The following PCDH15 variants were observed in gnomAD, a reference collection of about 807,000 sequenced individuals.
PCDH15 encodes the protein protocadherin related 15, also known as protocadherin-15.
A neutral mutation model predicts 178.5 loss-of-function variants in PCDH15; 129 were observed. That is an observed-to-expected ratio of 0.72 (90% confidence interval 0.63 to 0.84). PCDH15 has a LOEUF of 0.84. Ranked by LOEUF, PCDH15 falls within the 40% of genes least tolerant of loss-of-function variation. The pLI, the probability that PCDH15 is intolerant of heterozygous loss-of-function variation, is 0.00. For missense variants in PCDH15, 2,230 were observed against 2,099.9 expected (o/e 1.06, Z -1.21); for synonymous variants, 800 against 732.0 (o/e 1.09, Z -1.50).
chr10:55,486,702 T>C (rs575733582), intron 2 of PCDH15, among the ~76,000 whole-genome samples: 26 of 151,692 alleles, frequency 1.7e-4, no homozygotes, highest in Middle Eastern at 6.8e-3. Flanking sequence ...GATTGGAGTC[T>C]TTCTATGTTG....
intron 7 of PCDH15, among the ~76,000 whole-genome samples, chr10:54,320,370 C>A (rs1291722790): frequency 2.0e-5 from 3 of 151,968 alleles, no homozygotes. Context: ...AATATATACA[C>A]CTTCTTCTTT....
At chr10:55,265,656 C>T (rs560139627) in intron 1 of PCDH15, among the ~76,000 whole-genome samples, 81 of 152,240 alleles carry the variant, frequency 5.3e-4, no homozygotes, top group African/African-American at 1.9e-3. Flanking sequence ...GGACTAAGAC[C>T]AAGCCACTCA....
Position 55,511,051 on chromosome 10 carries a change from G to GT in PCDH15, c.-156+116573dup, listed in dbSNP as rs543684590. Among the ~76,000 whole-genome samples the GT allele has an allele frequency of 1.2e-3, 172 of 145,250 alleles. 1 individual carries two copies. In the South Asian group the frequency reaches 0.019, roughly 16 times the overall value. On this transcript the variant is annotated intron_variant, in intron 2 of 5. Coordinates refer to the PCDH15 transcript ENST00000613346. ...ATTTGTTTTTTTTGTTTGTTTGTTT[G>GT]TTTTTTTTTTTAGAGATACAGGTCT... is the stretch of plus-strand genomic sequence containing the variant.
chr10:55,172,665 C>T (rs1839370322), intron 1 of PCDH15, among the ~76,000 whole-genome samples: 1 of 151,884 alleles, frequency 6.6e-6, no homozygotes, highest in Non-Finnish European at 1.5e-5. Flanking sequence ...CATTTTCCTG[C>T]TGAGAGAGTT....
chr10:54,815,815 G>A (rs1952938127), intron 3 of PCDH15, among the ~76,000 whole-genome samples: 1 of 151,936 alleles, frequency 6.6e-6, no homozygotes, highest in Non-Finnish European at 1.5e-5. Flanking sequence ...GCAAACAGAT[G>A]ATAAACACAG....
At chr10:53,836,849 C>G (rs2077336437) in intron 29 of PCDH15, among the ~76,000 whole-genome samples, 1 of 152,152 alleles carries the variant, frequency 6.6e-6, no homozygotes, top group East Asian at 1.9e-4. Flanking sequence ...TCTGATTCAA[C>G]TCTGATTAAT....
intron 1 of PCDH15, among the ~76,000 whole-genome samples, chr10:54,795,673 A>C (rs1448266177): frequency 1.3e-5 from 2 of 151,904 alleles, no homozygotes; most frequent in Non-Finnish European, 2.9e-5. Flanking sequence ...TTTTCATTTA[A>C]TTGAGAGCAA....
chr10:55,099,572 A>G (rs1842528627), intron 2 of PCDH15, among the ~76,000 whole-genome samples: 2 of 152,156 alleles, frequency 1.3e-5, no homozygotes, highest in South Asian at 4.1e-4. Flanking sequence ...TATTGGAATT[A>G]TCTTCATTCC....
intron 3 of PCDH15, among the ~76,000 whole-genome samples, chr10:54,494,327 A>T (rs1395962860): frequency 1.3e-5 from 2 of 152,090 alleles, no homozygotes; most frequent in African/African-American, 4.8e-5. Context: ...CAACTTAGAT[A>T]AGACCCACAG....
chr10:54,222,612 G>T (rs757088806), intron 9 of PCDH15, among the ~76,000 whole-genome samples: 7 of 152,160 alleles, frequency 4.6e-5, no homozygotes, highest in Non-Finnish European at 1.0e-4. Flanking sequence ...AGCAATGTAT[G>T]AGCATTTCAG....
At chr10:54,259,067 A>C (rs1439132511) in intron 8 of PCDH15, among the ~76,000 whole-genome samples, 1 of 152,156 alleles carries the variant, frequency 6.6e-6, no homozygotes, top group Admixed American at 6.6e-5. Flanking sequence ...GAAATTATGA[A>C]ACTTCTAAAT....
rs1412806029 is a variant in PCDH15 at position 54,250,077 on chromosome 10, C to CTATTTTTT, written c.877-13147_877-13146insAAAAAATA. 3.0e-3 allele frequency among the ~76,000 whole-genome samples: 420 copies of CTATTTTTT among 137,794 alleles called. 8 individuals carry two copies. The highest frequency in any genetic ancestry group is 0.011 in the African/African-American group (394 of 36,970). The allele number at this position is 137,794 out of a possible 152,430, so 90.4% of individuals were successfully genotyped here. A position where few individuals can be genotyped will look rare whatever the true frequency, so the allele number is the denominator to read the frequency against. ...TACAGGTGCATGCCACCACATCCGG[C>CTATTTTTT]TTTTTTTTTTTTTGTATTATTGGTT... On this transcript the variant is annotated intron_variant, in intron 8 of 37. Coordinates refer to ENST00000644397, the MANE Select transcript of PCDH15 (RefSeq NM_001384140.1).
chr10:54,025,080 T>C (rs2093041890), intron 18 of PCDH15, among the ~76,000 whole-genome samples: 1 of 152,214 alleles, frequency 6.6e-6, no homozygotes, highest in Admixed American at 6.5e-5. Context: ...TTGACCCATA[T>C]AATTGAATAT....
At chr10:54,168,264 C>T (rs2046475215) in intron 13 of PCDH15, among the ~76,000 whole-genome samples, 1 of 152,108 alleles carries the variant, frequency 6.6e-6, no homozygotes, top group African/African-American at 2.4e-5. Context: ...GACGTCCAGG[C>T]ATTCTTTTAC....
At chr10:55,496,166 G>T (rs1049455850) in intron 2 of PCDH15, among the ~76,000 whole-genome samples, 8 of 151,666 alleles carry the variant, frequency 5.3e-5, no homozygotes, top group Admixed American at 1.3e-4. Flanking sequence ...TGGGTGAATT[G>T]TATATGAGTT....
rs1385373282 is a variant in PCDH15 at position 53,808,784 on chromosome 10, C to T, written c.4672-1654G>A. 8.1e-6 allele frequency: 13 copies of T among 1,612,018 alleles called. No homozygotes were observed. In the African/African-American group the frequency reaches 1.2e-4, roughly 15 times the overall value. On this transcript the variant is annotated intron_variant, in intron 37 of 37. Coordinates refer to ENST00000644397, the MANE Select transcript of PCDH15 (RefSeq NM_001384140.1). ...CTGTCATACGCTGGTACCTGATAGC[C>T]CCATGGACCTCCAGACTGACTTTCG...
chr10:54,865,130 C>A (rs1025648726), intron 3 of PCDH15, among the ~76,000 whole-genome samples: 2 of 152,052 alleles, frequency 1.3e-5, no homozygotes, highest in African/African-American at 2.4e-5. Flanking sequence ...AGGGTGTTGC[C>A]ATAGGAGATT....
chr10:54,232,924 C>CTTTTTTTTTTTTTTTTTTTTT (rs762364718), intron 9 of PCDH15, among the ~76,000 whole-genome samples: 1 of 109,226 alleles, frequency 9.2e-6, no homozygotes, highest in African/African-American at 3.7e-5. Context: ...AGCTTTCTTT[C>CTTTTTTTTTTTTTTTTTTTTT]TTTTTTTTTT....
chr10:53,900,611 C>T (rs1320278274), intron 26 of PCDH15, among the ~76,000 whole-genome samples: 1 of 152,146 alleles, frequency 6.6e-6, no homozygotes, highest in Admixed American at 6.6e-5. Flanking sequence ...ACAAAATCCC[C>T]TAAATGTTCA....
Sources: gnomAD v4.1 joint callset for allele counts (sites outside exome capture counted in the v4.1 genomes callset) on GRCh38, gnomAD v4.1.1 for gene constraint, MANE v1.5 for transcripts, NCBI Gene and HGNC (gene_info 2026-07-23, HGNC 2026-07-21) for gene names.